ZNF468: variants seen among roughly 807,000 people sequenced by gnomAD.
ZNF468 encodes the protein zinc finger protein ZNF468.
Under a neutral mutation model 7.2 loss-of-function variants are expected in ZNF468, and 8 were observed. The ratio of observed to expected loss-of-function variants is 1.11; its 90% CI spans 0.65 to 2.01. The LOEUF is 2.01. ZNF468 is among the 30% of genes most tolerant of loss of function. The pLI is 0.00. For missense variants in ZNF468, 608 were observed against 626.5 expected, an observed-to-expected ratio of 0.97 and a Z score of 0.31; for synonymous variants, 218 against 214.4, an observed-to-expected ratio of 1.02 and a Z score of -0.15.
intron 2 of ZNF468, among the ~76,000 whole-genome samples, chr19:52,851,992 A>C (rs2063394024): frequency 6.6e-6 from 1 of 152,120 alleles, no homozygotes; most frequent in South Asian, 2.1e-4. Context: ...CAAAAGTAGC[A>C]AGATTTGTTT....
intron 3 of ZNF468, among the ~76,000 whole-genome samples, chr19:52,842,573 CACA>C (rs75986674): frequency 0.2 from 30,162 of 151,394 alleles, 3,483 homozygotes; most frequent in South Asian, 0.36. Context: ...GTAAATAATC[CACA>C]ACAAGCTCTT....
At chr19:52,845,691 A>C (rs2063336978) in intron 3 of ZNF468, among the ~76,000 whole-genome samples, 1 of 151,812 alleles carries the variant, frequency 6.6e-6, no homozygotes, top group African/African-American at 2.4e-5. Context: ...CTAAATAAAT[A>C]AAGTTCTCCA....
intron 2 of ZNF468, chr19:52,854,027 G>T (rs1457019790): frequency 5.3e-6 from 8 of 1,495,644 alleles, no homozygotes; most frequent in Non-Finnish European, 7.1e-6. Context: ...GTCCATCCAT[G>T]TCGGGGTGTG....
Position 52,843,981 on chromosome 19 carries a change from G to T in ZNF468, c.143-1830C>A, listed in dbSNP as rs149274007. ...CTAAAACTACAAAAAAATCAGCCAG[G>T]CATGAAGGAAGACGCCTGTAATCCC... On this transcript the variant is annotated intron_variant, in intron 3 of 3. Coordinates refer to ENST00000595646, the MANE Select transcript of ZNF468 (RefSeq NM_001008801.2). 1.1e-4 allele frequency among the ~76,000 whole-genome samples: 16 copies of T among 152,228 alleles called. 1 individual carries two copies. The East Asian group carries it at 3.1e-3, about 29-fold the overall frequency.
chr19:52,851,186 G>A (rs1338870069), intron 2 of ZNF468, among the ~76,000 whole-genome samples: 1 of 151,850 alleles, frequency 6.6e-6, no homozygotes, highest in African/African-American at 2.4e-5. Context: ...TAAAACAGGA[G>A]AATCACTGGA....
At position 52,848,644 on chromosome 19, in the gene ZNF468, G is replaced by T. The variant is rs571238206; in HGVS notation, c.142+443C>A. Among the ~76,000 whole-genome samples, 10 of 152,204 alleles carry T rather than the reference G, an allele frequency of 6.6e-5. No homozygotes were observed. In the East Asian group the frequency reaches 1.9e-3, roughly 29 times the overall value. On this transcript the variant is annotated intron_variant, in intron 3 of 3. Transcript: ENST00000595646. ...CCACTCACTGCAACCTTGGCCTCCT[G>T]GGTTTAAGTGATTCTCTTTACTCAG...
rs531534451 is a variant in ZNF468, at chr19:52,839,993, G to A, written c.*732C>T. 1.4e-5 allele frequency: 18 copies of A among 1,310,230 alleles called. No individual in the cohort carries two copies. The African/African-American group carries it at 2.4e-4, about 17-fold the overall frequency. The allele number at this position is 1,310,230 out of a possible 1,614,324, so 81.2% of individuals were successfully genotyped here. ...CCATGGATTGCTTGATGGTGAATAA[G>A]TGGTGACTGCCCACTAAAGGGTTTG... On this transcript the variant is annotated 3_prime_UTR_variant, in exon 4 of 4. Transcript: ENST00000595646.
At chr19:52,856,527 C>A (rs1191860424) in intron 1 of ZNF468, among the ~76,000 whole-genome samples, 1 of 123,852 alleles carries the variant, frequency 8.1e-6, no homozygotes, top group Admixed American at 9.2e-5. Context: ...TGTTATAACC[C>A]CCTGGACCCA....
At chr19:52,844,399 C>T (rs1337721522) in intron 3 of ZNF468, among the ~76,000 whole-genome samples, 1 of 151,356 alleles carries the variant, frequency 6.6e-6, no homozygotes, top group African/African-American at 2.5e-5. Flanking sequence ...TCTTGGATTT[C>T]CCACTTCCCA....
At chr19:52,855,327 G>A (rs13345718) in intron 1 of ZNF468, among the ~76,000 whole-genome samples, 2,109 of 152,200 alleles carry the variant, frequency 0.014, 17 homozygotes, top group African/African-American at 0.048. Flanking sequence ...GAAGGAGAAA[G>A]GGACAGTGCC....
Position 52,840,564 on chromosome 19 carries a change from T to C in ZNF468, c.*161A>G. The C allele has an allele frequency of 7.4e-6, 10 of 1,359,316 alleles. No homozygotes were observed. The highest frequency in any genetic ancestry group is 1.0e-5 in the Non-Finnish European group (10 of 956,706). The allele number at this position is 1,359,316 out of a possible 1,614,324, so 84.2% of individuals were successfully genotyped here. On this transcript the variant is annotated 3_prime_UTR_variant, in exon 4 of 4. Coordinates refer to ENST00000595646, the MANE Select transcript of ZNF468 (RefSeq NM_001008801.2). ...TGTCACATTCCTCCCATTTGTAAGG[T>C]TTCTCTCCAGTATGAAGTCTATGGT...
At chr19:52,848,390 GAA>G (rs1482045091) in intron 3 of ZNF468, among the ~76,000 whole-genome samples, 1 of 152,140 alleles carries the variant, frequency 6.6e-6, no homozygotes, top group Non-Finnish European at 1.5e-5. Context: ...AAGGATCTAG[GAA>G]AACAGTTCAC....
intron 2 of ZNF468, chr19:52,853,742 T>G: frequency 2.3e-6 from 1 of 435,970 alleles, no homozygotes; most frequent in Non-Finnish European, 3.2e-6. Flanking sequence ...TGTCTATGTA[T>G]GAACTTTCCA....
Position 52,846,567 on chromosome 19 carries a change from T to A in ZNF468, c.142+2520A>T, listed in dbSNP as rs961318032. 5.1e-5 allele frequency: 8 copies of A among 157,694 alleles called. No individual in the cohort carries two copies. In the Admixed American group the frequency reaches 5.2e-4, roughly 10 times the overall value. 9.8% of individuals were successfully genotyped at this position (157,694 alleles called of 1,614,324 possible). A position where few individuals can be genotyped will look rare whatever the true frequency, so the allele number is the denominator to read the frequency against. On this transcript the variant is annotated intron_variant, in intron 3 of 3. Coordinates refer to ENST00000595646, the MANE Select transcript of ZNF468 (RefSeq NM_001008801.2). ...AAGATGTTTAACATACCTGCAACAA[T>A]AACCTCTGCCCAAATATCTGTACAA...
rs562023544 is a variant in ZNF468, at chr19:52,841,930, T to G, written c.364A>C (p.Ser122Arg). Reference sequence around the variant, plus strand: ...TGCCTTTGATCATGTTGGCCTGTACTACCAGCCAACTCTTTGATTTCTGTC... The same window carrying G: ...TGCCTTTGATCATGTTGGCCTGTACGACCAGCCAACTCTTTGATTTCTGTC... ...PMTEIKELAG[S>R]TGQHDQRHAG... Residue 122 changes from serine to arginine, a missense_variant, in exon 4 of 4, where the codon AGT (serine) becomes CGT (arginine). Coordinates refer to ENST00000595646, the MANE Select transcript of ZNF468 (RefSeq NM_001008801.2). The G allele has an allele frequency of 2.7e-5, 43 of 1,613,938 alleles. No individual in the cohort carries two copies. In the East Asian group the frequency reaches 9.4e-4, roughly 35 times the overall value.
intron 2 of ZNF468, among the ~76,000 whole-genome samples, chr19:52,853,714 T>C (rs1392591299): frequency 6.6e-6 from 1 of 151,174 alleles, no homozygotes; most frequent in African/African-American, 2.4e-5. Context: ...AATGAAGGAA[T>C]GATTCATGAA....
chr19:52,852,028 G>A (rs1009996282), intron 2 of ZNF468, among the ~76,000 whole-genome samples: 1 of 152,060 alleles, frequency 6.6e-6, no homozygotes, highest in Non-Finnish European at 1.5e-5. Flanking sequence ...TCGCCTTGGG[G>A]GAAAGGATAC....
At chr19:52,853,427 G>C (rs2063407180) in intron 2 of ZNF468, among the ~76,000 whole-genome samples, 1 of 152,124 alleles carries the variant, frequency 6.6e-6, no homozygotes. Context: ...GATGGCTTGC[G>C]CTTGTAATCC....
intron 3 of ZNF468, among the ~76,000 whole-genome samples, chr19:52,843,593 C>G (rs530883252): frequency 6.6e-6 from 1 of 152,202 alleles, no homozygotes; most frequent in East Asian, 1.9e-4. Context: ...ATACCGAACA[C>G]TCATATATAA....
Sources: gnomAD v4.1 joint callset for allele counts (sites outside exome capture counted in the v4.1 genomes callset) on GRCh38, gnomAD v4.1.1 for gene constraint, MANE v1.5 for transcripts, NCBI Gene and HGNC (gene_info 2026-07-23, HGNC 2026-07-21) for gene names.